AP3B1: variants seen among roughly 807,000 people sequenced by gnomAD.
AP3B1 encodes the protein adaptor related protein complex 3 subunit beta 1.
AP3B1 carries 61 observed loss-of-function variants against 132.5 expected under a neutral mutation model. That is an observed-to-expected ratio of 0.46 (90% confidence interval 0.37 to 0.57). The LOEUF (loss-of-function observed/expected upper bound fraction) is 0.57, where lower values mean the gene tolerates loss of function less well. AP3B1 is among the 20% of genes least tolerant of loss of function. The pLI is 0.00. For missense variants in AP3B1, 1,120 were observed against 1,289.4 expected (o/e 0.87, Z 2.01); for synonymous variants, 388 against 438.3 (o/e 0.89, Z 1.43).
chr5:78,034,275 A>G lies in AP3B1; in HGVS notation c.2894+86T>C, dbSNP rs1015860531. On this transcript the variant is annotated intron_variant, in intron 24 of 26. Transcript: ENST00000255194. ...TTTGTTTAAATGTTTTGTCTTTCAC[A>G]CACACACAAAAGCTGTTGAAAGCTT... 9.0e-6 allele frequency: 9 copies of G among 1,004,956 alleles called. No individual in the cohort carries two copies. In the East Asian group the frequency reaches 1.9e-4, roughly 21 times the overall value. The allele number at this position is 1,004,956 out of a possible 1,614,324, so 62.3% of individuals were successfully genotyped here.
chr5:78,287,750 T>TAA (rs58180674), intron 1 of AP3B1, among the ~76,000 whole-genome samples: 146 of 131,750 alleles, frequency 1.1e-3, no homozygotes, highest in African/African-American at 3.0e-3. Flanking sequence ...GTACCCCTTG[T>TAA]AAAAAAAAAA....
chr5:78,250,268 T>C (rs923929253), intron 2 of AP3B1, among the ~76,000 whole-genome samples: 2 of 152,088 alleles, frequency 1.3e-5, no homozygotes, highest in African/African-American at 4.8e-5. Context: ...AGAATCTTAG[T>C]ACCTATTCCC....
intron 24 of AP3B1, among the ~76,000 whole-genome samples, chr5:78,024,561 ATTTTT>A (rs70997962): frequency 2.6e-5 from 3 of 113,478 alleles, no homozygotes; most frequent in South Asian, 2.8e-4. Flanking sequence ...AGCTAATTTA[ATTTTT>A]TTTTTTTTTT....
chr5:78,164,637 G>C (rs79215935), intron 12 of AP3B1, among the ~76,000 whole-genome samples: 15,730 of 152,088 alleles, frequency 0.1, 1,551 homozygotes, highest in African/African-American at 0.25. Flanking sequence ...ACATAAAATA[G>C]TATATTTTCT....
intron 6 of AP3B1, among the ~76,000 whole-genome samples, chr5:78,216,623 A>G (rs958430775): frequency 6.6e-6 from 1 of 152,202 alleles, no homozygotes; most frequent in Admixed American, 6.5e-5. Context: ...GAATCAAGAC[A>G]ATAACAAAGC....
chr5:78,149,259 C>T (rs983538754), intron 14 of AP3B1, among the ~76,000 whole-genome samples: 6 of 152,184 alleles, frequency 3.9e-5, no homozygotes, highest in African/African-American at 1.4e-4. Flanking sequence ...TGAGATACAA[C>T]ATAATGCACT....
At chr5:78,196,806 A>G (rs1005924725) in intron 7 of AP3B1, among the ~76,000 whole-genome samples, 2 of 152,230 alleles carry the variant, frequency 1.3e-5, no homozygotes, top group Non-Finnish European at 2.9e-5. Flanking sequence ...GCTATATGAT[A>G]TTTTGGAAAA....
chr5:78,176,443 A>C (rs1233207709), intron 9 of AP3B1, among the ~76,000 whole-genome samples: 1 of 152,198 alleles, frequency 6.6e-6, no homozygotes, highest in Non-Finnish European at 1.5e-5. Flanking sequence ...CTCATTTGTT[A>C]CTAAGCCAGT....
chr5:78,168,575 T>A lies in AP3B1; in HGVS notation c.1168-2903A>T, dbSNP rs555768721. On this transcript the variant is annotated intron_variant, in intron 11 of 26. Transcript: ENST00000255194. ...ACATAGGAAAAAGCTACACGTATAG[T>A]ACAAAGAACTGTTGCTGTTGTTTTT... 7.2e-5 allele frequency among the ~76,000 whole-genome samples: 11 copies of A among 152,318 alleles called. No individual in the cohort carries two copies. In the South Asian group the frequency reaches 1.9e-3, roughly 26 times the overall value.
intron 2 of AP3B1, among the ~76,000 whole-genome samples, chr5:78,248,115 A>G (rs112662234): frequency 7.2e-4 from 109 of 152,298 alleles, no homozygotes; most frequent in African/African-American, 2.6e-3. Flanking sequence ...ATAGGTAGAT[A>G]AACAGACATA....
At chr5:78,077,669 T>C (rs914956902) in intron 22 of AP3B1, among the ~76,000 whole-genome samples, 3 of 146,730 alleles carry the variant, frequency 2.0e-5, no homozygotes, top group Admixed American at 7.1e-5. Flanking sequence ...GGTATACTAG[T>C]TCCTCTTCTA....
chr5:78,104,082 G>T (rs1561408697), intron 20 of AP3B1, among the ~76,000 whole-genome samples: 1 of 152,116 alleles, frequency 6.6e-6, no homozygotes, highest in East Asian at 1.9e-4. Context: ...AGTATGTAAA[G>T]TCTGTCAAAG....
At chr5:78,152,755 T>C (rs1002102934) in intron 14 of AP3B1, among the ~76,000 whole-genome samples, 1 of 152,142 alleles carries the variant, frequency 6.6e-6, no homozygotes, top group Non-Finnish European at 1.5e-5. Flanking sequence ...CATCATCACA[T>C]GTTTCAAGAA....
At chr5:78,008,123 A>C (rs1282318211) in intron 26 of AP3B1, among the ~76,000 whole-genome samples, 1 of 152,150 alleles carries the variant, frequency 6.6e-6, no homozygotes, top group Non-Finnish European at 1.5e-5. Context: ...CCTTGCTTAA[A>C]GAAGACATAA....
chr5:78,144,207 T>C (rs1753284963), intron 14 of AP3B1, among the ~76,000 whole-genome samples: 1 of 152,136 alleles, frequency 6.6e-6, no homozygotes, highest in Non-Finnish European at 1.5e-5. Flanking sequence ...AAAGACAAAT[T>C]GGATTGTAAA....
At chr5:78,288,017 A>T (rs377244557) in intron 1 of AP3B1, among the ~76,000 whole-genome samples, 2 of 152,204 alleles carry the variant, frequency 1.3e-5, no homozygotes, top group African/African-American at 4.8e-5. Context: ...AGCACAAGAG[A>T]AAGGAATTCA....
At chr5:78,257,948 G>T (rs1747919265) in intron 2 of AP3B1, among the ~76,000 whole-genome samples, 1 of 152,146 alleles carries the variant, frequency 6.6e-6, no homozygotes, top group African/African-American at 2.4e-5. Context: ...AGGAAAACTG[G>T]ATATCCATAT....
chr5:78,238,836 TTAAG>T (rs1261627350), intron 3 of AP3B1, among the ~76,000 whole-genome samples: 3 of 151,202 alleles, frequency 2.0e-5, no homozygotes, highest in African/African-American at 7.3e-5. Context: ...AATAATTATA[TTAAG>T]TGTTAGCAAA....
intron 15 of AP3B1, among the ~76,000 whole-genome samples, chr5:78,134,149 C>CA (rs397961933): frequency 0.013 from 992 of 74,074 alleles, 14 homozygotes; most frequent in Middle Eastern, 0.027. Flanking sequence ...AGACTCGCCT[C>CA]AAAAAAAAAA....
Sources: allele counts gnomAD v4.1 joint callset (sites outside exome capture counted in the v4.1 genomes callset), GRCh38; gene constraint gnomAD v4.1.1; transcripts MANE v1.5; gene names NCBI Gene and HGNC (gene_info 2026-07-23, HGNC 2026-07-21).